BMPR1B: variants seen among roughly 807,000 people sequenced by gnomAD.
BMPR1B encodes bone morphogenetic protein receptor type 1B.
A neutral mutation model predicts 59.1 loss-of-function variants in BMPR1B; 12 were observed. The ratio of observed to expected loss-of-function variants is 0.20; its 90% CI spans 0.13 to 0.33. BMPR1B has a LOEUF of 0.33. Ranked by LOEUF, BMPR1B falls within the 10% of genes least tolerant of loss-of-function variation. The probability of loss-of-function intolerance (pLI) is 1.00; values close to 1 mark genes in which losing one functional copy is unlikely to be tolerated. For synonymous variants in BMPR1B, 237 were observed against 207.3 expected, an observed-to-expected ratio of 1.14 and a Z score of -1.23; for missense variants, 550 against 610.9, an observed-to-expected ratio of 0.90 and a Z score of 1.05.
At chr4:94,905,112 A>G (rs1202199590) in intron 2 of BMPR1B, among the ~76,000 whole-genome samples, 17 of 152,052 alleles carry the variant, frequency 1.1e-4, no homozygotes, top group Admixed American at 1.0e-3. Flanking sequence ...GATATTGTCC[A>G]AAGATGGGGA....
rs559016823 is a variant in BMPR1B, at chr4:94,873,688, G to A, written c.-182-2143G>A. On this transcript the variant is annotated intron_variant, in intron 1 of 12. Transcript: ENST00000515059. ...CTCCCAAAGTGCTGGGATTACAGGCGTGAGCTGCCGTGCCCGGCCCGACCA... is the reference window on the plus strand; with the variant it reads ...CTCCCAAAGTGCTGGGATTACAGGCATGAGCTGCCGTGCCCGGCCCGACCA... Among the ~76,000 whole-genome samples the A allele has an allele frequency of 9.5e-4, 145 of 152,256 alleles. 1 individual carries two copies. Among genetic ancestry groups the A allele is most frequent in the Middle Eastern group, 3.4e-3 (1 of 294 alleles).
At chr4:94,810,617 G>A (rs987263441) in intron 1 of BMPR1B, among the ~76,000 whole-genome samples, 3 of 152,120 alleles carry the variant, frequency 2.0e-5, no homozygotes, top group African/African-American at 7.2e-5. Context: ...TATGTGGCAG[G>A]TAGAGCCAAG....
At chr4:95,135,846 C>T (rs1027040913) in intron 10 of BMPR1B, among the ~76,000 whole-genome samples, 1 of 152,062 alleles carries the variant, frequency 6.6e-6, no homozygotes, top group African/African-American at 2.4e-5. Flanking sequence ...TAATTGAATA[C>T]CCTTTATTTC....
At chr4:94,855,588 GC>G (rs1324543055) in intron 1 of BMPR1B, among the ~76,000 whole-genome samples, 9 of 152,282 alleles carry the variant, frequency 5.9e-5, no homozygotes, top group African/African-American at 1.9e-4. Context: ...AGAGGATAGT[GC>G]TTATTTTTTG....
chr4:94,914,567 A>G lies in BMPR1B; in HGVS notation c.-113+38667A>G, dbSNP rs369479740. Among the ~76,000 whole-genome samples the G allele has an allele frequency of 1.9e-4, 29 of 152,222 alleles. No homozygotes were observed. The South Asian group carries it at 4.4e-3, about 23-fold the overall frequency. On this transcript the variant is annotated intron_variant, in intron 2 of 12. Transcript: ENST00000515059. The stretch of plus-strand genomic sequence containing the variant: ...TGCAAAGGAAGGATAAGAATTACGG[A>G]TTCTGAGGGAGTTGAGGAATCACTG...
At chr4:94,850,343 A>G (rs1725519180) in intron 1 of BMPR1B, among the ~76,000 whole-genome samples, 1 of 152,244 alleles carries the variant, frequency 6.6e-6, no homozygotes, top group African/African-American at 2.4e-5. Flanking sequence ...AAAAATATAA[A>G]AAGCACAATT....
chr4:94,904,084 A>G lies in BMPR1B; in HGVS notation c.-113+28184A>G, dbSNP rs142762923. 6.4e-3 allele frequency among the ~76,000 whole-genome samples: 980 copies of G among 152,050 alleles called. 12 individuals carry two copies. Among genetic ancestry groups the G allele is most frequent in the African/African-American group, 0.023 (944 of 41,518 alleles). Reference sequence around the variant, plus strand: ...TATCTTATGATGATATGGAATTCTTATTTTCAGGAAGTTAAAAAATTTCAA... The same window carrying G: ...TATCTTATGATGATATGGAATTCTTGTTTTCAGGAAGTTAAAAAATTTCAA... On this transcript the variant is annotated intron_variant, in intron 2 of 12. Transcript: ENST00000515059.
chr4:94,763,047 A>G (rs902542097), intron 1 of BMPR1B, among the ~76,000 whole-genome samples: 3 of 152,126 alleles, frequency 2.0e-5, no homozygotes, highest in Non-Finnish European at 2.9e-5. Flanking sequence ...GTGAGAGCCT[A>G]TAGTATGTCC....
intron 2 of BMPR1B, among the ~76,000 whole-genome samples, chr4:94,902,249 CAG>C (rs142124519): frequency 0.03 from 2,053 of 68,608 alleles, 22 homozygotes; most frequent in East Asian, 0.093. Context: ...CACACACACA[CAG>C]AGAGAGAGAG....
intron 3 of BMPR1B, among the ~76,000 whole-genome samples, chr4:95,097,829 C>T (rs1251526386): frequency 1.3e-5 from 2 of 152,168 alleles, no homozygotes; most frequent in African/African-American, 4.8e-5. Context: ...AGCCACCGCG[C>T]CCAGCCTGAC....
chr4:95,061,715 T>G (rs1233736605), intron 3 of BMPR1B, among the ~76,000 whole-genome samples: 1 of 152,186 alleles, frequency 6.6e-6, no homozygotes, highest in Non-Finnish European at 1.5e-5. Context: ...TCTAGTTCTT[T>G]AGGAATTACT....
intron 1 of BMPR1B, among the ~76,000 whole-genome samples, chr4:94,766,095 TAAGC>T (rs536229107): frequency 2.8e-3 from 423 of 152,328 alleles, no homozygotes; most frequent in Non-Finnish European, 3.8e-3. Flanking sequence ...AAGCGTTTGA[TAAGC>T]AAGTAAATAA....
intron 3 of BMPR1B, among the ~76,000 whole-genome samples, chr4:95,005,653 T>C (rs1333827731): frequency 6.6e-6 from 1 of 152,224 alleles, no homozygotes; most frequent in Non-Finnish European, 1.5e-5. Context: ...TTCACTTTTT[T>C]ATCTTGTTCA....
intron 6 of BMPR1B, among the ~76,000 whole-genome samples, chr4:95,122,891 ACT>A (rs1228867903): frequency 6.6e-6 from 1 of 152,148 alleles, no homozygotes; most frequent in Non-Finnish European, 1.5e-5. Context: ...GACAGTAATC[ACT>A]CTCTCAAAGG....
At chr4:94,965,425 G>A (rs576750897) in intron 2 of BMPR1B, among the ~76,000 whole-genome samples, 1 of 152,130 alleles carries the variant, frequency 6.6e-6, no homozygotes, top group African/African-American at 2.4e-5. Flanking sequence ...CTTATAACTG[G>A]AGAAATCTAA....
At chr4:94,982,118 G>T in intron 2 of BMPR1B, among the ~76,000 whole-genome samples, 1 of 152,140 alleles carries the variant, frequency 6.6e-6, no homozygotes, top group East Asian at 1.9e-4. Flanking sequence ...TGCACAGGGA[G>T]AATACATAAA....
chr4:94,859,270 TAAAA>T (rs201928882), intron 1 of BMPR1B, among the ~76,000 whole-genome samples: 1,642 of 152,234 alleles, frequency 0.011, 8 homozygotes, highest in Non-Finnish European at 0.017. Context: ...AATAATTTTT[TAAAA>T]AAAGAATTAC....
chr4:94,947,707 G>A (rs1729772698), intron 2 of BMPR1B, among the ~76,000 whole-genome samples: 1 of 152,182 alleles, frequency 6.6e-6, no homozygotes, highest in Admixed American at 6.5e-5. Context: ...CGTAGTCAGT[G>A]ATGGCGAGGT....
At position 94,762,212 on chromosome 4, in the gene BMPR1B, T is replaced by C. The variant is rs569648126; in HGVS notation, c.-183+4144T>C. On this transcript the variant is annotated intron_variant, in intron 1 of 12. Transcript: ENST00000515059. Reference sequence around the variant, plus strand: ...GCCTACTCTGTGTGTGGCACTGTTATACACTGTGGGGACACTGTGACTATA... The same window carrying C: ...GCCTACTCTGTGTGTGGCACTGTTACACACTGTGGGGACACTGTGACTATA... Among the ~76,000 whole-genome samples, 12 of 151,796 alleles carry C rather than the reference T, an allele frequency of 7.9e-5. No homozygotes were observed. In the East Asian group the frequency reaches 1.7e-3, roughly 22 times the overall value.
Sources: gnomAD v4.1 joint callset for allele counts (sites outside exome capture counted in the v4.1 genomes callset) on GRCh38, gnomAD v4.1.1 for gene constraint, MANE v1.5 for transcripts, NCBI Gene and HGNC (gene_info 2026-07-23, HGNC 2026-07-21) for gene names.